FER: variants seen among roughly 807,000 people sequenced by gnomAD.
FER encodes FER tyrosine kinase.
Under a neutral mutation model 111.0 loss-of-function variants are expected in FER, and 63 were observed. The observed-to-expected ratio is 0.57, with a 90% CI of 0.46 to 0.70. The LOEUF is 0.70. Ranked by LOEUF, FER falls within the 30% of genes least tolerant of loss-of-function variation. FER has a pLI of 0.00. For missense variants in FER, 914 were observed against 954.0 expected, an observed-to-expected ratio of 0.96 and a Z score of 0.55; for synonymous variants, 327 against 313.9, an observed-to-expected ratio of 1.04 and a Z score of -0.44.
intron 9 of FER, among the ~76,000 whole-genome samples, chr5:108,896,882 C>T (rs796821924): frequency 7.9e-5 from 12 of 152,230 alleles, no homozygotes; most frequent in South Asian, 2.1e-4. Flanking sequence ...GTGCATGGCA[C>T]GGTCCTTTTT....
At chr5:108,879,845 G>A (rs2150275265) in intron 8 of FER, among the ~76,000 whole-genome samples, 1 of 151,208 alleles carries the variant, frequency 6.6e-6, no homozygotes, top group African/African-American at 2.4e-5. Flanking sequence ...GAGTAGCTGG[G>A]ATTACAGGTG....
chr5:108,887,750 G>C (rs1440030513), intron 9 of FER, among the ~76,000 whole-genome samples: 1 of 151,456 alleles, frequency 6.6e-6, no homozygotes, highest in Non-Finnish European at 1.5e-5. Context: ...TACTTCTAAA[G>C]TCTCTTTATT....
chr5:108,750,344 A>AAGAC (rs1750337408), intron 1 of FER, among the ~76,000 whole-genome samples: 1 of 151,972 alleles, frequency 6.6e-6, no homozygotes, highest in Middle Eastern at 3.4e-3. Flanking sequence ...TGCCCTTAAG[A>AAGAC]AGACATTTGT....
intron 10 of FER, among the ~76,000 whole-genome samples, chr5:108,905,555 A>G (rs952713853): frequency 6.6e-6 from 1 of 152,126 alleles, no homozygotes; most frequent in African/African-American, 2.4e-5. Flanking sequence ...GCGCTTAATG[A>G]TTACTTACCA....
intron 10 of FER, among the ~76,000 whole-genome samples, chr5:108,912,562 A>T (rs1751704623): frequency 6.6e-6 from 1 of 151,974 alleles, no homozygotes; most frequent in East Asian, 1.9e-4. Flanking sequence ...GGGTTTTGCC[A>T]TGTTGGCCAG....
intron 17 of FER, among the ~76,000 whole-genome samples, chr5:109,111,420 T>G (rs1200471138): frequency 2.0e-5 from 3 of 152,154 alleles, no homozygotes; most frequent in African/African-American, 7.2e-5. Context: ...AGAAAGATTA[T>G]GTACTCTAAA....
At chr5:108,808,455 T>C (rs1430747418) in intron 3 of FER, among the ~76,000 whole-genome samples, 2 of 151,844 alleles carry the variant, frequency 1.3e-5, no homozygotes, top group African/African-American at 4.8e-5. Context: ...GTGTGATCTT[T>C]CTCTAACCCT....
intron 1 of FER, 22 bp from the exon 2 acceptor site, chr5:108,768,071 C>T (rs1424923108): frequency 6.6e-6 from 1 of 152,176 alleles, no homozygotes; most frequent in Non-Finnish European, 1.5e-5. Flanking sequence ...ACAGTTCTGA[C>T]TCCTTGAATT....
At chr5:109,139,376 A>AG (rs1753278604) in intron 17 of FER, among the ~76,000 whole-genome samples, 1 of 95,740 alleles carries the variant, frequency 1.0e-5, no homozygotes. Flanking sequence ...TTTGAGGCAG[A>AG]GTCTCGCTCT....
intron 17 of FER, among the ~76,000 whole-genome samples, chr5:109,116,290 G>A (rs1447945868): frequency 6.6e-6 from 1 of 151,980 alleles, no homozygotes; most frequent in Admixed American, 6.6e-5. Context: ...AAGCAATGTA[G>A]TAGTACTGAC....
intron 2 of FER, among the ~76,000 whole-genome samples, chr5:108,797,003 T>G (rs1247352538): frequency 6.6e-6 from 1 of 151,986 alleles, no homozygotes; most frequent in African/African-American, 2.4e-5. Flanking sequence ...TTAGCATGTC[T>G]GAATCTGACC....
intron 10 of FER, among the ~76,000 whole-genome samples, chr5:108,933,455 A>T: frequency 6.6e-6 from 1 of 151,872 alleles, no homozygotes; most frequent in East Asian, 1.9e-4. Context: ...TGGTCTATAT[A>T]TGTGTTTTGG....
At chr5:108,970,946 G>A (rs961550541) in intron 13 of FER, among the ~76,000 whole-genome samples, 9 of 152,050 alleles carry the variant, frequency 5.9e-5, no homozygotes, top group African/African-American at 2.2e-4. Flanking sequence ...AGCAAAGGAT[G>A]GATGTGATAT....
At chr5:109,174,277 T>C (rs1757455322) in intron 17 of FER, among the ~76,000 whole-genome samples, 1 of 152,156 alleles carries the variant, frequency 6.6e-6, no homozygotes. Flanking sequence ...CATATTTATG[T>C]ATTCTGTTCA....
intron 2 of FER, among the ~76,000 whole-genome samples, chr5:108,788,851 T>C (rs1169390902): frequency 6.6e-6 from 1 of 152,254 alleles, no homozygotes; most frequent in African/African-American, 2.4e-5. Flanking sequence ...CTATTGATAC[T>C]GTCATGATTA....
intron 2 of FER, among the ~76,000 whole-genome samples, chr5:108,794,240 A>T: frequency 6.9e-6 from 1 of 144,832 alleles, no homozygotes. Context: ...TTTTTGAGAC[A>T]GAGTTTCACT....
intron 16 of FER, among the ~76,000 whole-genome samples, chr5:109,067,963 C>T (rs1035985784): frequency 2.6e-5 from 4 of 151,982 alleles, no homozygotes; most frequent in Admixed American, 6.6e-5. Flanking sequence ...TCAAGCAAGC[C>T]GCACATCTAG....
chr5:108,824,047 T>G (rs1011528286), intron 3 of FER, among the ~76,000 whole-genome samples: 3 of 152,190 alleles, frequency 2.0e-5, no homozygotes, highest in African/African-American at 7.2e-5. Flanking sequence ...TTTTCCCTAT[T>G]GTGTATTCTT....
intron 5 of FER, among the ~76,000 whole-genome samples, chr5:108,862,006 A>G (rs1030525123): frequency 6.6e-6 from 1 of 152,214 alleles, no homozygotes; most frequent in Non-Finnish European, 1.5e-5. Context: ...ATGTGCATGC[A>G]TAAGTATGCC....
Sources: allele counts gnomAD v4.1 joint callset (sites outside exome capture counted in the v4.1 genomes callset), GRCh38; gene constraint gnomAD v4.1.1; transcripts MANE v1.5; gene names NCBI Gene and HGNC (gene_info 2026-07-23, HGNC 2026-07-21).